Variants in MBOAT1 observed in about 807,000 individuals in gnomAD.
MBOAT1 encodes the protein membrane bound glycerophospholipid O-acyltransferase 1.
MBOAT1 carries 67 observed loss-of-function variants against 64.4 expected under a neutral mutation model. That is an observed-to-expected ratio of 1.04 (90% CI 0.85 to 1.27). The LOEUF is 1.27. Ranked by LOEUF, MBOAT1 falls within the 50% of genes most tolerant of loss-of-function variation. MBOAT1 has a pLI of 0.00. For synonymous variants in MBOAT1, 229 were observed against 218.9 expected (o/e 1.05, Z -0.41); for missense variants, 563 against 604.6 (o/e 0.93, Z 0.72).
At chr6:20,133,698 CCTAT>C (rs1356991083) in intron 4 of MBOAT1, among the ~76,000 whole-genome samples, 1 of 152,152 alleles carries the variant, frequency 6.6e-6, no homozygotes, top group Non-Finnish European at 1.5e-5. Context: ...ATGGTATTAG[CCTAT>C]CTTTCTGTCT....
Position 20,102,186 on chromosome 6 carries a change from G to A in MBOAT1, c.*100C>T. On this transcript the variant is annotated 3_prime_UTR_variant, in exon 13 of 13. Coordinates refer to ENST00000324607, the MANE Select transcript of MBOAT1 (RefSeq NM_001080480.3). ...AAAAAAGAACAAAATAAAGATGCATGTAAACATCGCCTCTAAGCCACCGGA... is the reference window on the plus strand; with the variant it reads ...AAAAAAGAACAAAATAAAGATGCATATAAACATCGCCTCTAAGCCACCGGA... 6 of 794,676 alleles carry A rather than the reference G, an allele frequency of 7.6e-6. No individual in the cohort carries two copies. In the South Asian group the frequency reaches 9.4e-5, roughly 12 times the overall value. 49.2% of individuals were successfully genotyped at this position (794,676 alleles called of 1,614,324 possible).
chr6:20,178,452 A>C (rs895929685), intron 1 of MBOAT1, among the ~76,000 whole-genome samples: 1 of 152,170 alleles, frequency 6.6e-6, no homozygotes, highest in African/African-American at 2.4e-5. Context: ...AAATAAAAAT[A>C]AAACATGTTG....
chr6:20,212,038 C>T (rs1763443133), intron 1 of MBOAT1, 98 bp downstream of exon 1: 2 of 1,006,134 alleles, frequency 2.0e-6, no homozygotes, highest in South Asian at 1.5e-5. Flanking sequence ...CTGTAAAATA[C>T]GCCATGGAGG....
At chr6:20,165,106 T>TCCTAAC (rs1761978013) in intron 1 of MBOAT1, among the ~76,000 whole-genome samples, 3 of 152,250 alleles carry the variant, frequency 2.0e-5, no homozygotes, top group African/African-American at 7.2e-5. Context: ...CATCGTCAGT[T>TCCTAAC]GAGGAGCATC....
chr6:20,162,229 C>T (rs1218927607), intron 1 of MBOAT1, among the ~76,000 whole-genome samples: 2 of 152,124 alleles, frequency 1.3e-5, no homozygotes, highest in Admixed American at 6.5e-5. Flanking sequence ...ACATTTGGCC[C>T]ACAACACTGC....
At chr6:20,197,300 T>C (rs1223579693) in intron 1 of MBOAT1, among the ~76,000 whole-genome samples, 1 of 152,134 alleles carries the variant, frequency 6.6e-6, no homozygotes, top group East Asian at 1.9e-4. Context: ...GAAGTCAGGC[T>C]GGGAACTGCA....
intron 3 of MBOAT1, among the ~76,000 whole-genome samples, chr6:20,150,611 G>A (rs1761463207): frequency 6.9e-6 from 1 of 144,464 alleles, no homozygotes; most frequent in Admixed American, 7.1e-5. Flanking sequence ...CACCCAGGCT[G>A]GAGTGTTGTA....
Position 20,118,529 on chromosome 6 carries a change from T to A in MBOAT1, c.919A>T (p.Asn307Tyr), listed in dbSNP as rs761513718. The stretch of plus-strand genomic sequence containing the variant: ...CTGAACCCAAAGCCAGCTGCGTTAT[T>A]CACTGCATCAGCTATGGTTTTTAAA... ...YFAWTLADAV[N>Y]NAAGFGFSGV... Residue 307 changes from asparagine to tyrosine, a missense_variant, in exon 9 of 13, where the codon AAT (asparagine) becomes TAT (tyrosine). Transcript: ENST00000324607. The A allele has an allele frequency of 1.4e-5, 22 of 1,613,428 alleles. No individual in the cohort carries two copies. The highest frequency in any genetic ancestry group is 1.8e-5 in the Non-Finnish European group (21 of 1,179,780).
intron 4 of MBOAT1, among the ~76,000 whole-genome samples, chr6:20,132,218 A>C (rs1018304112): frequency 5.9e-5 from 9 of 152,140 alleles, no homozygotes; most frequent in African/African-American, 2.2e-4. Context: ...AGGGAATTCC[A>C]CTCATTAAAA....
At chr6:20,180,928 A>G (rs145169316) in intron 1 of MBOAT1, among the ~76,000 whole-genome samples, 4 of 152,370 alleles carry the variant, frequency 2.6e-5, no homozygotes, top group East Asian at 3.9e-4. Flanking sequence ...AGAATTAAAG[A>G]AAGTGAAATG....
At chr6:20,142,204 T>C (rs189929361) in intron 4 of MBOAT1, among the ~76,000 whole-genome samples, 106 of 152,276 alleles carry the variant, frequency 7.0e-4, no homozygotes, top group Admixed American at 3.9e-3. Flanking sequence ...CTGGATACCT[T>C]AAAGAAAAGA....
At chr6:20,203,745 T>G (rs1275787815) in intron 1 of MBOAT1, among the ~76,000 whole-genome samples, 1 of 150,038 alleles carries the variant, frequency 6.7e-6, no homozygotes, top group Non-Finnish European at 1.5e-5. Context: ...CAAACCAGAA[T>G]GGAGTCACTG....
chr6:20,179,082 T>C (rs2113738060), intron 1 of MBOAT1, among the ~76,000 whole-genome samples: 1 of 152,154 alleles, frequency 6.6e-6, no homozygotes, highest in African/African-American at 2.4e-5. Context: ...TTCTTCCTGA[T>C]GCTCTCCCTC....
intron 11 of MBOAT1, among the ~76,000 whole-genome samples, chr6:20,110,268 A>G (rs1222640377): frequency 2.0e-5 from 3 of 149,736 alleles, no homozygotes; most frequent in African/African-American, 4.9e-5. Flanking sequence ...GCTGAAGTGC[A>G]ACGATGCAAT....
At chr6:20,107,363 C>T (rs1759990124) in intron 12 of MBOAT1, among the ~76,000 whole-genome samples, 1 of 152,130 alleles carries the variant, frequency 6.6e-6, no homozygotes, top group African/African-American at 2.4e-5. Context: ...GTTTCCAAGT[C>T]TGGAGCATGG....
At chr6:20,193,931 A>C (rs776145266) in intron 1 of MBOAT1, among the ~76,000 whole-genome samples, 1 of 152,214 alleles carries the variant, frequency 6.6e-6, no homozygotes, top group African/African-American at 2.4e-5. Context: ...ACTGAAAATG[A>C]ATTAGAATAC....
chr6:20,179,843 A>G lies in MBOAT1; in HGVS notation c.100-27074T>C, dbSNP rs562338057. ...ATCTGTTGTTTTTTAACTTTTTAAT[A>G]ATAGCCATTCTGACTGGTATGAGAT... is the stretch of plus-strand genomic sequence containing the variant. On this transcript the variant is annotated intron_variant, in intron 1 of 12. Coordinates refer to ENST00000324607, the MANE Select transcript of MBOAT1 (RefSeq NM_001080480.3). Among the ~76,000 whole-genome samples the G allele has an allele frequency of 5.3e-5, 8 of 152,294 alleles. No homozygotes were observed. The South Asian group carries it at 1.7e-3, about 32-fold the overall frequency.
At chr6:20,166,836 G>T (rs1227675268) in intron 1 of MBOAT1, among the ~76,000 whole-genome samples, 1 of 152,220 alleles carries the variant, frequency 6.6e-6, no homozygotes, top group East Asian at 1.9e-4. Flanking sequence ...CTACTTGAGA[G>T]GCTGAGGTAG....
chr6:20,152,305 C>T lies in MBOAT1; in HGVS notation c.245+319G>A, dbSNP rs919355483. Among the ~76,000 whole-genome samples the T allele has an allele frequency of 2.0e-5, 3 of 147,086 alleles. No individual in the cohort carries two copies. The Admixed American group carries it at 2.1e-4, about 10-fold the overall frequency. ...TCGCGCCACTGCACTACAGCCTGGG[C>T]GACAGAGCGAGACTCCGTCTCAAAA... On this transcript the variant is annotated intron_variant, in intron 2 of 12. Transcript: ENST00000324607.
Sources: allele counts gnomAD v4.1 joint callset (sites outside exome capture counted in the v4.1 genomes callset), GRCh38; gene constraint gnomAD v4.1.1; transcripts MANE v1.5; gene names NCBI Gene and HGNC (gene_info 2026-07-23, HGNC 2026-07-21).